The following PRKCH variants were observed in gnomAD, a reference collection of about 807,000 sequenced individuals.
PRKCH encodes the protein protein kinase C eta type.
In PRKCH, 28 loss-of-function variants were observed where a neutral mutation model predicts 82.5. That is an observed-to-expected ratio of 0.34 (90% CI 0.25 to 0.47). PRKCH has a LOEUF of 0.47. Ranked by LOEUF, PRKCH falls within the 20% of genes least tolerant of loss-of-function variation. The pLI is 1.00. For synonymous variants in PRKCH, 322 were observed against 327.4 expected (o/e 0.98, Z 0.18); for missense variants, 705 against 881.8 (o/e 0.80, Z 2.54).
chr14:61,400,921 G>A (rs1482990438), intron 2 of PRKCH, among the ~76,000 whole-genome samples: 2 of 152,146 alleles, frequency 1.3e-5, no homozygotes, highest in African/African-American at 4.8e-5. Flanking sequence ...CAATGCTGAG[G>A]TCCAAGATCT....
intron 2 of PRKCH, among the ~76,000 whole-genome samples, chr14:61,404,199 G>C (rs923058103): frequency 3.9e-5 from 6 of 151,920 alleles, no homozygotes; most frequent in African/African-American, 1.5e-4. Context: ...TTGTGTTCTG[G>C]TCTCAAGTCA....
At position 61,299,612 on chromosome 14, in the gene PRKCH, T is replaced by C. The variant is rs530064663; in HGVS notation, c.-19+111944T>C. The C allele has an allele frequency of 2.6e-5, 4 of 152,368 alleles. No individual in the cohort carries two copies. The South Asian group carries it at 6.2e-4, about 24-fold the overall frequency. 9.4% of individuals were successfully genotyped at this position (152,368 alleles called of 1,614,324 possible). A position where few individuals can be genotyped will look rare whatever the true frequency, so the allele number is the denominator to read the frequency against. On this transcript the variant is annotated intron_variant, in intron 1 of 3. Coordinates refer to the PRKCH transcript ENST00000555185. ...TCCTGGTGGGGCAGGAGGAGCCCTC[T>C]TCTGCCCTGCTCATACCTGATTAGC... is the stretch of plus-strand genomic sequence containing the variant.
rs1566781678 is a variant in PRKCH, at chr14:61,210,134, AT to A, written c.-19+22467del. On this transcript the variant is annotated intron_variant, in intron 1 of 3. Coordinates refer to the PRKCH transcript ENST00000555185. ...CAAATATATATATATATATATATATATATATATATATATATATATATATATA... is the reference window on the plus strand; with the variant it reads ...CAAATATATATATATATATATATATAATATATATATATATATATATATATA... Among the ~76,000 whole-genome samples, 52 of 38,868 alleles carry A rather than the reference AT, an allele frequency of 1.3e-3. 5 individuals carry two copies. The South Asian group carries it at 0.018, about 13-fold the overall frequency. 25.5% of individuals were successfully genotyped at this position (38,868 alleles called of 152,430 possible).
intron 1 of PRKCH, among the ~76,000 whole-genome samples, chr14:61,239,311 G>A (rs997424110): frequency 4.9e-4 from 75 of 152,178 alleles, no homozygotes; most frequent in Non-Finnish European, 8.8e-4. Context: ...TTCAAACCCC[G>A]AGAGCGGGCC....
intron 9 of PRKCH, among the ~76,000 whole-genome samples, chr14:61,480,600 G>A (rs1472895548): frequency 6.6e-6 from 1 of 152,160 alleles, no homozygotes; most frequent in African/African-American, 2.4e-5. Flanking sequence ...CATTACTGGA[G>A]TCTTTTTCAA....
intron 2 of PRKCH, among the ~76,000 whole-genome samples, chr14:61,440,381 A>G (rs1883899331): frequency 6.6e-6 from 1 of 152,230 alleles, no homozygotes; most frequent in African/African-American, 2.4e-5. Flanking sequence ...TAAGAAGGAA[A>G]GTAACTAGGC....
intron 10 of PRKCH, among the ~76,000 whole-genome samples, chr14:61,522,831 T>C (rs1015591304): frequency 2.6e-5 from 4 of 152,232 alleles, no homozygotes; most frequent in Non-Finnish European, 5.9e-5. Context: ...TCATGGACAA[T>C]ACTAAAGAAT....
chr14:61,280,465 T>G lies in PRKCH; in HGVS notation c.-19+92797T>G. Reference sequence around the variant, plus strand: ...GAGCTCGTAGACTGGCCGGCGCCAGTTGGGCGGGGGCGCCGTGCCCTGGAA... The same window carrying G: ...GAGCTCGTAGACTGGCCGGCGCCAGGTGGGCGGGGGCGCCGTGCCCTGGAA... On this transcript the variant is annotated intron_variant, in intron 1 of 3. Coordinates refer to the PRKCH transcript ENST00000555185. This position sits in a 1 kb window ranked among gnomAD's most constrained non-coding sequence, Gnocchi z 5.0. 6.2e-7 allele frequency: 1 copy of G among 1,613,518 alleles called. No individual in the cohort carries two copies. Among genetic ancestry groups the G allele is most frequent in the Non-Finnish European group, 8.5e-7 (1 of 1,179,738 alleles).
intron 12 of PRKCH, among the ~76,000 whole-genome samples, chr14:61,539,526 C>T (rs2140025764): frequency 6.6e-6 from 1 of 152,328 alleles, no homozygotes; most frequent in East Asian, 1.9e-4. Flanking sequence ...AGGTAAGGCA[C>T]TGACCCACCG....
At chr14:61,296,213 AT>A (rs1452949494) in intron 1 of PRKCH, among the ~76,000 whole-genome samples, 2 of 152,184 alleles carry the variant, frequency 1.3e-5, no homozygotes, top group East Asian at 3.8e-4. Flanking sequence ...GGAGTTACCA[AT>A]TTTGTATAGA....
chr14:61,241,224 G>A (rs549363842), intron 1 of PRKCH, among the ~76,000 whole-genome samples: 2 of 152,230 alleles, frequency 1.3e-5, no homozygotes, highest in Admixed American at 6.5e-5. Flanking sequence ...GTGAGGTTAT[G>A]TGAGGAAGGG....
intron 9 of PRKCH, chr14:61,476,528 A>T (rs1288894329): frequency 6.6e-6 from 1 of 152,192 alleles, no homozygotes. Flanking sequence ...CCTGGCCTGG[A>T]TGTTTCACAG....
At chr14:61,379,826 G>T (rs188755586) in intron 1 of PRKCH, among the ~76,000 whole-genome samples, 3 of 152,170 alleles carry the variant, frequency 2.0e-5, no homozygotes, top group Non-Finnish European at 4.4e-5. Context: ...TAAGGAGAAC[G>T]TATGCTCCCT....
At chr14:61,530,257 G>T in intron 11 of PRKCH, 150 bp from the exon 12 acceptor site, 1 of 873,092 alleles carries the variant, frequency 1.1e-6, no homozygotes, top group Non-Finnish European at 1.7e-6. Flanking sequence ...AGACCACTCT[G>T]TAGAAATGGA....
At chr14:61,414,358 C>T (rs1180107913) in intron 2 of PRKCH, among the ~76,000 whole-genome samples, 3 of 151,638 alleles carry the variant, frequency 2.0e-5, no homozygotes, top group East Asian at 1.9e-4. Context: ...CTACATCCTC[C>T]GCCTCCCAGG....
intron 9 of PRKCH, chr14:61,463,027 C>T (rs1434289174): frequency 1.3e-5 from 2 of 152,224 alleles, no homozygotes; most frequent in African/African-American, 4.8e-5. Context: ...TCTTGGCTCC[C>T]CTCCAACCTG....
At chr14:61,474,747 A>G (rs1418292659) in intron 9 of PRKCH, among the ~76,000 whole-genome samples, 1 of 152,230 alleles carries the variant, frequency 6.6e-6, no homozygotes, top group Non-Finnish European at 1.5e-5. Context: ...AATTGTGGGC[A>G]TGTCATTTGC....
intron 1 of PRKCH, among the ~76,000 whole-genome samples, chr14:61,380,337 G>T (rs555968882): frequency 1.9e-3 from 292 of 152,238 alleles, no homozygotes; most frequent in Middle Eastern, 3.4e-3. Flanking sequence ...GATTTCAGGT[G>T]TGCCTTGGCC....
rs573725824 is a variant in PRKCH, at chr14:61,388,539, G to A, written c.364-2686G>A. 3.3e-5 allele frequency among the ~76,000 whole-genome samples: 5 copies of A among 152,324 alleles called. No individual in the cohort carries two copies. The South Asian group carries it at 1.0e-3, about 32-fold the overall frequency. ...GCAGGATGGCGGAGGCGGCCAGGCA[G>A]CAACTGTGCCTGTGCCAGCAGTAGT... On this transcript the variant is annotated intron_variant, in intron 1 of 13. Transcript: ENST00000332981.
Sources: allele counts gnomAD v4.1 joint callset (sites outside exome capture counted in the v4.1 genomes callset), GRCh38; gene constraint gnomAD v4.1.1; non-coding constraint Gnocchi (gnomAD v3.1); transcripts MANE v1.5; gene names NCBI Gene and HGNC (gene_info 2026-07-23, HGNC 2026-07-21).